The following PDE3A variants were observed in gnomAD, a reference collection of about 807,000 sequenced individuals.
PDE3A encodes phosphodiesterase 3A, also known as cGMP-inhibited 3',5'-cyclic phosphodiesterase 3A.
PDE3A carries 43 observed loss-of-function variants against 98.3 expected under a neutral mutation model. The ratio of observed to expected loss-of-function variants is 0.44; its 90% CI spans 0.34 to 0.56. PDE3A has a LOEUF of 0.56. Among genes scored for constraint, PDE3A ranks in the 20% least tolerant of loss-of-function variants. The pLI is 0.01. For synonymous variants in PDE3A, 663 were observed against 567.9 expected, an observed-to-expected ratio of 1.17 and a Z score of -2.38; for missense variants, 1,427 against 1,440.7, an observed-to-expected ratio of 0.99 and a Z score of 0.15.
At chr12:20,541,774 A>G (rs1228782098) in intron 1 of PDE3A, among the ~76,000 whole-genome samples, 1 of 152,118 alleles carries the variant, frequency 6.6e-6, no homozygotes, top group African/African-American at 2.4e-5. Context: ...CTCTGAAATT[A>G]CTTTCAACAT....
At chr12:20,626,045 G>A (rs1408739912) in intron 5 of PDE3A, among the ~76,000 whole-genome samples, 1 of 152,128 alleles carries the variant, frequency 6.6e-6, no homozygotes, top group African/African-American at 2.4e-5. Flanking sequence ...AAATGTGTGA[G>A]TGTGCGATGT....
intron 1 of PDE3A, among the ~76,000 whole-genome samples, chr12:20,379,787 AT>A (rs950240404): frequency 1.3e-5 from 2 of 151,750 alleles, no homozygotes; most frequent in African/African-American, 2.4e-5. Context: ...TGGTGTTTAC[AT>A]TTTTGTTACT....
intron 1 of PDE3A, among the ~76,000 whole-genome samples, chr12:20,546,339 C>A (rs756866096): frequency 5.3e-5 from 8 of 151,256 alleles, no homozygotes; most frequent in Non-Finnish European, 8.8e-5. Flanking sequence ...GACATTCTTA[C>A]TCCGTTAATA....
chr12:20,370,401 T>TG (rs147390584), intron 1 of PDE3A, 157 bp downstream of exon 1: 2 of 423,004 alleles, frequency 4.7e-6, no homozygotes, highest in East Asian at 3.6e-5. Context: ...TTTTTTTTTG[T>TG]TTTTTTTGTT....
chr12:20,666,296 C>T (rs1369621421), intron 15 of PDE3A, among the ~76,000 whole-genome samples: 1 of 152,084 alleles, frequency 6.6e-6, no homozygotes, highest in East Asian at 1.9e-4. Flanking sequence ...TGGGAAGTCC[C>T]CTCTTCCCAC....
At chr12:20,371,459 G>C in intron 1 of PDE3A, 1 of 981,804 alleles carries the variant, frequency 1.0e-6, no homozygotes. Flanking sequence ...GGGAGCAAGA[G>C]AATATCCTAA....
chr12:20,587,983 C>G (rs998090518), intron 2 of PDE3A, among the ~76,000 whole-genome samples: 2 of 152,312 alleles, frequency 1.3e-5, no homozygotes, highest in African/African-American at 2.4e-5. Flanking sequence ...GATGCTAAAG[C>G]TGTTTCTTAA....
intron 2 of PDE3A, among the ~76,000 whole-genome samples, chr12:20,607,166 C>T (rs543291948): frequency 3.3e-5 from 5 of 152,030 alleles, no homozygotes; most frequent in Admixed American, 2.6e-4. Context: ...CAGTCGGGCG[C>T]GGTGGCTAAC....
intron 1 of PDE3A, among the ~76,000 whole-genome samples, chr12:20,432,622 T>G (rs1304244220): frequency 6.6e-6 from 1 of 152,126 alleles, no homozygotes; most frequent in African/African-American, 2.4e-5. Flanking sequence ...CTTAATAAAA[T>G]AGGTCAAAAA....
At chr12:20,547,478 G>C (rs1361598786) in intron 1 of PDE3A, among the ~76,000 whole-genome samples, 1 of 152,164 alleles carries the variant, frequency 6.6e-6, no homozygotes, top group Admixed American at 6.5e-5. Context: ...AGTGGACTGT[G>C]TGGTAACCTT....
chr12:20,676,703 G>C (rs1208838526), intron 15 of PDE3A, among the ~76,000 whole-genome samples: 1 of 152,040 alleles, frequency 6.6e-6, no homozygotes, highest in African/African-American at 2.4e-5. Flanking sequence ...GTTTCACCGT[G>C]TTAGGCAGGA....
chr12:20,621,643 A>G (rs907665083), intron 5 of PDE3A, among the ~76,000 whole-genome samples: 1 of 152,072 alleles, frequency 6.6e-6, no homozygotes, highest in African/African-American at 2.4e-5. Flanking sequence ...CAGATTTCCT[A>G]TCTTGAACTA....
intron 2 of PDE3A, among the ~76,000 whole-genome samples, chr12:20,585,685 A>G (rs1461388130): frequency 6.6e-6 from 1 of 152,020 alleles, no homozygotes. Flanking sequence ...GCTACTAGAC[A>G]GATAGTATAT....
chr12:20,552,617 G>T lies in PDE3A; in HGVS notation c.961-4043G>T. On this transcript the variant is annotated intron_variant, in intron 1 of 15. Coordinates refer to ENST00000359062, the MANE Select transcript of PDE3A (RefSeq NM_000921.5). This position sits in a 1 kb window ranked among gnomAD's most constrained non-coding sequence, Gnocchi z 5.1. ...GGCCCGAGCAGGGCCGGGTCCCCGC[G>T]CCGGACATCCAAGAAAACCAAGGTG... 6.2e-7 allele frequency: 1 copy of T among 1,613,678 alleles called. No individual in the cohort carries two copies. Among genetic ancestry groups the T allele is most frequent in the South Asian group, 1.1e-5 (1 of 91,038 alleles).
At chr12:20,389,628 G>A (rs1208852245) in intron 1 of PDE3A, among the ~76,000 whole-genome samples, 2 of 151,836 alleles carry the variant, frequency 1.3e-5, no homozygotes, top group Non-Finnish European at 2.9e-5. Context: ...GGGATTGCTG[G>A]GGGAAGATTC....
chr12:20,372,066 G>A (rs556065495), intron 1 of PDE3A, among the ~76,000 whole-genome samples: 1 of 152,194 alleles, frequency 6.6e-6, no homozygotes, highest in Admixed American at 6.5e-5. Flanking sequence ...AAGAAATTAA[G>A]GGTGGATAGA....
chr12:20,651,529 A>T (rs1451699784), intron 14 of PDE3A, among the ~76,000 whole-genome samples: 2 of 152,234 alleles, frequency 1.3e-5, no homozygotes, highest in African/African-American at 4.8e-5. Flanking sequence ...TCATAAAAAA[A>T]GTTAGATCCC....
intron 2 of PDE3A, among the ~76,000 whole-genome samples, chr12:20,603,727 T>C (rs765792265): frequency 2.0e-5 from 3 of 152,202 alleles, no homozygotes; most frequent in Non-Finnish European, 4.4e-5. Context: ...ACAATAATGA[T>C]AATGTTGGTG....
intron 1 of PDE3A, among the ~76,000 whole-genome samples, chr12:20,412,602 TG>T (rs1944353880): frequency 6.6e-6 from 1 of 152,176 alleles, no homozygotes; most frequent in Non-Finnish European, 1.5e-5. Context: ...GGATTTAGAA[TG>T]CTGTTATGGC....
Sources: allele counts gnomAD v4.1 joint callset (sites outside exome capture counted in the v4.1 genomes callset), GRCh38; gene constraint gnomAD v4.1.1; non-coding constraint Gnocchi (gnomAD v3.1); transcripts MANE v1.5; gene names NCBI Gene and HGNC (gene_info 2026-07-23, HGNC 2026-07-21).